Variants in RABGAP1L observed in about 807,000 individuals in gnomAD.
RABGAP1L encodes the protein RAB GTPase activating protein 1 like, also known as rab GTPase-activating protein 1-like.
A neutral mutation model predicts 137.7 loss-of-function variants in RABGAP1L; 63 were observed. The observed-to-expected ratio is 0.46, with a 90% confidence interval of 0.37 to 0.56. The LOEUF (loss-of-function observed/expected upper bound fraction) is 0.56. Among genes scored for constraint, RABGAP1L ranks in the 20% least tolerant of loss-of-function variants. The pLI, the probability that RABGAP1L is intolerant of heterozygous loss-of-function variation, is 0.00. For synonymous variants in RABGAP1L, 431 were observed against 433.7 expected (o/e 0.99, Z 0.08); for missense variants, 1,095 against 1,244.0 (o/e 0.88, Z 1.80).
intron 13 of RABGAP1L, among the ~76,000 whole-genome samples, chr1:174,510,363 G>T (rs1662220430): frequency 1.3e-5 from 2 of 152,104 alleles, no homozygotes; most frequent in South Asian, 2.1e-4. Flanking sequence ...GTCACACGTA[G>T]CAGGTACTCA....
rs543664409 is a variant in RABGAP1L, at chr1:174,456,381, T to C, written c.1710+62236T>C. Among the ~76,000 whole-genome samples the C allele has an allele frequency of 7.2e-5, 11 of 152,240 alleles. No individual in the cohort carries two copies. In the East Asian group the frequency reaches 1.7e-3, roughly 24 times the overall value. ...AATGATGAAGACATCAAAATCACGT[T>C]ATATTCAAGTACCTACTTTTGGAAA... On this transcript the variant is annotated intron_variant, in intron 13 of 25. Transcript: ENST00000681986.
chr1:174,679,124 G>A (rs1036643540), intron 14 of RABGAP1L, among the ~76,000 whole-genome samples: 2 of 152,182 alleles, frequency 1.3e-5, no homozygotes, highest in Non-Finnish European at 2.9e-5. Context: ...CCCTCCTCCT[G>A]TTCTCTCAGG....
At chr1:174,931,990 G>GTTTTTTTTTTTTT (rs532860564) in intron 19 of RABGAP1L, among the ~76,000 whole-genome samples, 26 of 69,646 alleles carry the variant, frequency 3.7e-4, no homozygotes, top group Admixed American at 5.6e-4. Flanking sequence ...TGCTTTTTTG[G>GTTTTTTTTTTTTT]TTTTTTTTTT....
At chr1:174,328,037 A>G (rs1024234939) in intron 11 of RABGAP1L, among the ~76,000 whole-genome samples, 2 of 139,192 alleles carry the variant, frequency 1.4e-5, no homozygotes, top group Non-Finnish European at 3.1e-5. Flanking sequence ...CCAACATCAG[A>G]GCACTTAAAT....
intron 13 of RABGAP1L, among the ~76,000 whole-genome samples, chr1:174,482,449 A>G (rs954579540): frequency 1.3e-5 from 2 of 152,170 alleles, no homozygotes; most frequent in Non-Finnish European, 2.9e-5. Flanking sequence ...TAGTTATCCC[A>G]GTGAAGAAGG....
At chr1:174,456,603 G>A (rs74126806) in intron 13 of RABGAP1L, among the ~76,000 whole-genome samples, 1,870 of 152,078 alleles carry the variant, frequency 0.012, 47 homozygotes, top group African/African-American at 0.043. Context: ...GTTTGAATTA[G>A]TGATAAATAA....
intron 11 of RABGAP1L, among the ~76,000 whole-genome samples, chr1:174,306,855 T>C (rs1325119441): frequency 6.6e-6 from 1 of 152,192 alleles, no homozygotes; most frequent in Non-Finnish European, 1.5e-5. Context: ...TTTAAGACCT[T>C]GTATCATGTG....
At chr1:174,783,704 C>CTTTTTTTTTTTTTT (rs1558074590) in intron 18 of RABGAP1L, among the ~76,000 whole-genome samples, 1 of 115,156 alleles carries the variant, frequency 8.7e-6, no homozygotes, top group African/African-American at 3.1e-5. Context: ...TCTTCTTCTT[C>CTTTTTTTTTTTTTT]TTCTTTTTTT....
At chr1:174,228,834 A>G (rs1670396180) in intron 3 of RABGAP1L, among the ~76,000 whole-genome samples, 1 of 152,144 alleles carries the variant, frequency 6.6e-6, no homozygotes, top group Admixed American at 6.6e-5. Flanking sequence ...ACCTAGTTCA[A>G]GTGATACATG....
intron 11 of RABGAP1L, among the ~76,000 whole-genome samples, chr1:174,334,133 A>G (rs777877704): frequency 6.6e-6 from 1 of 152,118 alleles, no homozygotes; most frequent in Non-Finnish European, 1.5e-5. Flanking sequence ...GTCCCTAAAT[A>G]CTTTCGCTTC....
intron 17 of RABGAP1L, among the ~76,000 whole-genome samples, chr1:174,718,363 A>G (rs566509544): frequency 6.6e-6 from 1 of 152,330 alleles, no homozygotes; most frequent in Non-Finnish European, 1.5e-5. Flanking sequence ...ATCTGTTGGC[A>G]TAACTTTGTT....
At chr1:174,814,117 A>C (rs1274561350) in intron 19 of RABGAP1L, among the ~76,000 whole-genome samples, 1 of 152,140 alleles carries the variant, frequency 6.6e-6, no homozygotes, top group Non-Finnish European at 1.5e-5. Flanking sequence ...TCAATCCAGA[A>C]ACATGGGATC....
Position 174,637,397 on chromosome 1 carries a change from T to G in RABGAP1L, c.1733T>G (p.Ile578Ser). The G allele has an allele frequency of 3.7e-6, 6 of 1,612,144 alleles. No homozygotes were observed. The highest frequency in any genetic ancestry group is 4.2e-6 in the Non-Finnish European group (5 of 1,178,184). The change falls in exon 14 of 26, where the codon ATT (isoleucine) becomes AGT (serine). Residue 578 changes from isoleucine (I) to serine (S), a missense_variant. Ile to Ser is a moderately radical substitution (Grantham distance 142). Coordinates refer to ENST00000681986, the MANE Select transcript of RABGAP1L (RefSeq NM_001366446.1). ...ITKDSAQESV[I>S]TRDIHRTFPA... is the part of the protein sequence containing the mutation. The stretch of plus-strand genomic sequence containing the variant: ...TAGGACTCAGCCCAGGAGAGTGTTA[T>G]TACTCGAGATATTCATCGTACATTT...
chr1:174,258,971 T>C (rs958307236), intron 7 of RABGAP1L, among the ~76,000 whole-genome samples: 2 of 152,034 alleles, frequency 1.3e-5, no homozygotes, highest in Admixed American at 1.3e-4. Flanking sequence ...TTATCTTTCA[T>C]AGAGACGGGG....
At position 174,875,574 on chromosome 1, in the gene RABGAP1L, A is replaced by G. The variant is rs1012771517; in HGVS notation, c.2340+63614A>G. ...AGCTCTGAGTCACTGAATAGCAAAG[A>G]AAAATATGAAAGCAAGAGGAATTGC... On this transcript the variant is annotated intron_variant, in intron 19 of 25. Coordinates refer to ENST00000681986, the MANE Select transcript of RABGAP1L (RefSeq NM_001366446.1). 7.1e-6 allele frequency: 7 copies of G among 985,316 alleles called. No homozygotes were observed. The South Asian group carries it at 2.3e-4, about 33-fold the overall frequency. 61.0% of individuals were successfully genotyped at this position (985,316 alleles called of 1,614,324 possible).
chr1:174,915,068 A>G (rs1297211990), intron 19 of RABGAP1L, among the ~76,000 whole-genome samples: 1 of 152,070 alleles, frequency 6.6e-6, no homozygotes, highest in Admixed American at 6.5e-5. Flanking sequence ...TTGTTTATCC[A>G]TTTACCAGTT....
At chr1:174,818,884 A>T (rs1690714459) in intron 19 of RABGAP1L, among the ~76,000 whole-genome samples, 1 of 151,012 alleles carries the variant, frequency 6.6e-6, no homozygotes, top group South Asian at 2.1e-4. Context: ...AGGCATGGTG[A>T]CATGTGTCTG....
chr1:174,373,326 G>A (rs1685259105), intron 12 of RABGAP1L, among the ~76,000 whole-genome samples: 1 of 152,172 alleles, frequency 6.6e-6, no homozygotes, highest in African/African-American at 2.4e-5. Flanking sequence ...CAGATAATTG[G>A]CTTACAATGT....
Position 174,253,308 on chromosome 1 carries a change from A to G in RABGAP1L, c.986+718A>G, listed in dbSNP as rs1412019267. ...TATCAGATTGCAAAAATATGTAGTG[A>G]TGGTGGGGGTATGGGGCAAAGGGAA... On this transcript the variant is annotated intron_variant, in intron 7 of 25. Transcript: ENST00000681986. 6.6e-5 allele frequency among the ~76,000 whole-genome samples: 10 copies of G among 152,286 alleles called. No individual in the cohort carries two copies. In the East Asian group the frequency reaches 1.9e-3, roughly 29 times the overall value.
Sources: allele counts gnomAD v4.1 joint callset (sites outside exome capture counted in the v4.1 genomes callset), GRCh38; gene constraint gnomAD v4.1.1; transcripts MANE v1.5; gene names NCBI Gene and HGNC (gene_info 2026-07-23, HGNC 2026-07-21).